The following RAB40C variants were observed in gnomAD, a reference collection of about 807,000 sequenced individuals.
RAB40C encodes the protein ras-related protein Rab-40C.
RAB40C carries 8 observed loss-of-function variants against 28.1 expected under a neutral mutation model. The ratio of observed to expected loss-of-function variants is 0.28; its 90% CI spans 0.17 to 0.51. The LOEUF (loss-of-function observed/expected upper bound fraction) is 0.51. Ranked by LOEUF, RAB40C falls within the 20% of genes least tolerant of loss-of-function variation. The pLI is 0.97. For synonymous variants in RAB40C, 201 were observed against 171.7 expected, an observed-to-expected ratio of 1.17 and a Z score of -1.34; for missense variants, 288 against 405.9, an observed-to-expected ratio of 0.71 and a Z score of 2.50.
chr16:595,191 A>T (rs906184318), intron 1 of RAB40C, among the ~76,000 whole-genome samples: 17 of 152,166 alleles, frequency 1.1e-4, no homozygotes, highest in Admixed American at 3.3e-4. Flanking sequence ...GCAACAGCTA[A>T]TGCTGCCAGC....
At chr16:624,321 C>G (rs2036782547) in intron 3 of RAB40C, 1 of 985,368 alleles carries the variant, frequency 1.0e-6, no homozygotes, top group African/African-American at 1.7e-5. Context: ...GCCCCAACCT[C>G]CAGGGTTAAC....
rs577469247 is a variant in RAB40C at position 598,057 on chromosome 16, C to T, written c.142+7624C>T. Reference sequence around the variant, plus strand: ...GTCAAGAGATTGAGACCATCCTGGCCAACATGATGAAACCCCGTCTCTACT... The same window carrying T: ...GTCAAGAGATTGAGACCATCCTGGCTAACATGATGAAACCCCGTCTCTACT... On this transcript the variant is annotated intron_variant, in intron 1 of 5. Coordinates refer to ENST00000248139, the MANE Select transcript of RAB40C (RefSeq NM_021168.5). Among the ~76,000 whole-genome samples, 40 of 150,088 alleles carry T rather than the reference C, an allele frequency of 2.7e-4. No individual in the cohort carries two copies. In the East Asian group the frequency reaches 4.3e-3, roughly 16 times the overall value.
At chr16:602,765 C>T (rs2036280185) in intron 1 of RAB40C, among the ~76,000 whole-genome samples, 1 of 152,114 alleles carries the variant, frequency 6.6e-6, no homozygotes, top group Admixed American at 6.5e-5. Context: ...TGAGGTCTTG[C>T]CATGTTGCCT....
chr16:594,297 T>G (rs893236923), intron 1 of RAB40C, among the ~76,000 whole-genome samples: 4 of 152,168 alleles, frequency 2.6e-5, no homozygotes, highest in Non-Finnish European at 5.9e-5. Context: ...TGGAAGCTGC[T>G]GAGTGACACT....
chr16:622,361 C>G (rs35026625), intron 3 of RAB40C, among the ~76,000 whole-genome samples: 9,308 of 152,274 alleles, frequency 0.061, 926 homozygotes, highest in African/African-American at 0.2. Context: ...CCAAGTGCCT[C>G]CACCCCCTTG....
At chr16:604,039 C>T (rs570807642) in intron 1 of RAB40C, among the ~76,000 whole-genome samples, 25 of 151,214 alleles carry the variant, frequency 1.7e-4, no homozygotes, top group African/African-American at 5.6e-4. Flanking sequence ...CTGATGTGAA[C>T]GAGTTCTTCT....
chr16:619,283 T>A (rs112203452), intron 3 of RAB40C, among the ~76,000 whole-genome samples: 1 of 141,702 alleles, frequency 7.1e-6, no homozygotes, highest in African/African-American at 2.7e-5. Flanking sequence ...TGTGGTGTAC[T>A]TGGAGCTGTG....
chr16:591,563 ATT>A (rs944717643), intron 1 of RAB40C, among the ~76,000 whole-genome samples: 4 of 150,870 alleles, frequency 2.7e-5, no homozygotes, highest in Non-Finnish European at 5.9e-5. Context: ...GTTACTGAAC[ATT>A]TGTTTTGTTT....
Position 601,253 on chromosome 16 carries a change from C to T in RAB40C, c.142+10820C>T, listed in dbSNP as rs367608832. ...ATCCACACCATCAAGGCTGTATCAC[C>T]GAGTATCTGCTCATTCTGAAAGTGT... On this transcript the variant is annotated intron_variant, in intron 1 of 5. Transcript: ENST00000248139. Among the ~76,000 whole-genome samples, 3 of 152,264 alleles carry T rather than the reference C, an allele frequency of 2.0e-5. No homozygotes were observed. In the East Asian group the frequency reaches 5.8e-4, roughly 29 times the overall value.
chr16:595,091 G>A (rs2036084865), intron 1 of RAB40C, among the ~76,000 whole-genome samples: 1 of 152,140 alleles, frequency 6.6e-6, no homozygotes, highest in African/African-American at 2.4e-5. Flanking sequence ...CTCGTTTTCT[G>A]GGGCAGTGTT....
Position 629,233 on chromosome 16 carries a change from C to A in RAB40C, c.*1611C>A. The stretch of plus-strand genomic sequence containing the variant: ...CCGCCATTCCTGGTTCTCTCCGAAC[C>A]GTTCTTTGTACAGTAAATGTAATTC... On this transcript the variant is annotated 3_prime_UTR_variant, in exon 6 of 6. Coordinates refer to ENST00000248139, the MANE Select transcript of RAB40C (RefSeq NM_021168.5). 1 of 267,306 alleles carries A rather than the reference C, an allele frequency of 3.7e-6. No homozygotes were observed. The highest frequency in any genetic ancestry group is 7.7e-6 in the Non-Finnish European group (1 of 130,004). 16.6% of individuals were successfully genotyped at this position (267,306 alleles called of 1,614,324 possible).
At chr16:593,068 G>A (rs909138684) in intron 1 of RAB40C, among the ~76,000 whole-genome samples, 3 of 152,248 alleles carry the variant, frequency 2.0e-5, no homozygotes, top group African/African-American at 7.2e-5. Context: ...GTCCCCGCAG[G>A]AGTCCTGTGG....
At chr16:606,736 T>G (rs1000599637) in intron 1 of RAB40C, among the ~76,000 whole-genome samples, 1 of 152,264 alleles carries the variant, frequency 6.6e-6, no homozygotes, top group African/African-American at 2.4e-5. Flanking sequence ...CTTGCCCATC[T>G]GCAGAGCCAG....
chr16:627,281 C>T lies in RAB40C; in HGVS notation c.566-61C>T, dbSNP rs537484537. On this transcript the variant is annotated intron_variant, in intron 5 of 5. Transcript: ENST00000248139. The stretch of plus-strand genomic sequence containing the variant: ...CAGGCTTCTCTTGGGCACCTCAGGT[C>T]TCCCTGCACAGGGCCTCCTCCCCCA... 1.1e-5 allele frequency: 17 copies of T among 1,516,412 alleles called. No homozygotes were observed. In the Admixed American group the frequency reaches 2.1e-4, roughly 19 times the overall value. The allele number at this position is 1,516,412 out of a possible 1,614,324, so 93.9% of individuals were successfully genotyped here.
At chr16:616,389 A>G (rs2036586037) in intron 1 of RAB40C, among the ~76,000 whole-genome samples, 1 of 138,872 alleles carries the variant, frequency 7.2e-6, no homozygotes, top group Admixed American at 7.0e-5. Flanking sequence ...CCCAGGCAGG[A>G]GTGCAGTGAC....
intron 1 of RAB40C, among the ~76,000 whole-genome samples, chr16:615,729 A>T (rs995391241): frequency 6.6e-6 from 1 of 152,216 alleles, no homozygotes; most frequent in Non-Finnish European, 1.5e-5. Context: ...TGGGAGGCCA[A>T]GGCGGGCGAA....
chr16:607,796 C>CGAAAA (rs951095533), intron 1 of RAB40C, among the ~76,000 whole-genome samples: 2 of 151,816 alleles, frequency 1.3e-5, no homozygotes, highest in African/African-American at 2.4e-5. Context: ...GTCTCAAAAA[C>CGAAAA]GAAAAGAAAA....
chr16:621,537 C>T (rs1009634205), intron 3 of RAB40C, among the ~76,000 whole-genome samples: 9 of 152,270 alleles, frequency 5.9e-5, no homozygotes, highest in Non-Finnish European at 4.4e-5. Flanking sequence ...CGGCTCTTCC[C>T]GCGAGGCCCT....
chr16:595,904 A>C lies in RAB40C; in HGVS notation c.142+5471A>C, dbSNP rs1442906552. ...GGGTGAGCCACTGTGCCTGGCCTCT[A>C]ATTGTGCTGTTTTATAAGTTGGACT... On this transcript the variant is annotated intron_variant, in intron 1 of 5. Transcript: ENST00000248139. Among the ~76,000 whole-genome samples the C allele has an allele frequency of 3.3e-5, 5 of 152,304 alleles. No individual in the cohort carries two copies. The East Asian group carries it at 7.7e-4, about 24-fold the overall frequency.
Sources: allele counts gnomAD v4.1 joint callset (sites outside exome capture counted in the v4.1 genomes callset), GRCh38; gene constraint gnomAD v4.1.1; transcripts MANE v1.5; gene names NCBI Gene and HGNC (gene_info 2026-07-23, HGNC 2026-07-21).